EML4: variants seen among roughly 807,000 people sequenced by gnomAD.
The protein encoded by EML4 is EMAP like 4.
Under a neutral mutation model 129.0 loss-of-function variants are expected in EML4, and 72 were observed. The observed-to-expected ratio is 0.56, with a 90% CI of 0.46 to 0.68. EML4 has a LOEUF of 0.68. EML4 is among the 30% of genes least tolerant of loss of function. The pLI, the probability that EML4 is intolerant of heterozygous loss-of-function variation, is 0.00. For synonymous variants in EML4, 532 were observed against 405.0 expected, an observed-to-expected ratio of 1.31 and a Z score of -3.77; for missense variants, 1,363 against 1,190.6, an observed-to-expected ratio of 1.14 and a Z score of -2.13.
intron 1 of EML4, among the ~76,000 whole-genome samples, chr2:42,186,036 A>G (rs1027880954): frequency 2.0e-5 from 3 of 152,196 alleles, no homozygotes; most frequent in African/African-American, 7.2e-5. Context: ...AATACCAATT[A>G]AAAAGGCCCC....
Position 42,325,569 on chromosome 2 carries a change from TTTTA to T in EML4, c.2242+17_2242+20del. On this transcript the variant is annotated intron_variant, in intron 20 of 22. Transcript: ENST00000318522. ...AATATTGTACTGTAAGTATGAATGA[TTTTA>T]TATATATATATATATGCTATGATTA... is the stretch of plus-strand genomic sequence containing the variant. 1 of 591,882 alleles carries T rather than the reference TTTTA, an allele frequency of 1.7e-6. No homozygotes were observed. The highest frequency in any genetic ancestry group is 2.8e-6 in the Non-Finnish European group (1 of 359,858). 36.7% of individuals were successfully genotyped at this position (591,882 alleles called of 1,614,324 possible). A position where few individuals can be genotyped will look rare whatever the true frequency, so the allele number is the denominator to read the frequency against.
At chr2:42,192,271 C>T (rs1388807663) in intron 1 of EML4, among the ~76,000 whole-genome samples, 1 of 143,496 alleles carries the variant, frequency 7.0e-6, no homozygotes, top group African/African-American at 2.6e-5. Context: ...TCTTGCTCCT[C>T]TGTTGCCCGT....
chr2:42,244,653 G>T (rs1201592316), intron 1 of EML4, among the ~76,000 whole-genome samples: 1 of 152,116 alleles, frequency 6.6e-6, no homozygotes, highest in Non-Finnish European at 1.5e-5. Context: ...TAATTACATA[G>T]CAATACCGAG....
At chr2:42,290,130 G>A (rs1167714727) in intron 11 of EML4, among the ~76,000 whole-genome samples, 1 of 151,744 alleles carries the variant, frequency 6.6e-6, no homozygotes, top group South Asian at 2.1e-4. Context: ...AACAGAGGAT[G>A]TATTGACTCC....
At chr2:42,218,900 G>A (rs1312773477) in intron 1 of EML4, among the ~76,000 whole-genome samples, 1 of 152,248 alleles carries the variant, frequency 6.6e-6, no homozygotes, top group South Asian at 2.1e-4. Context: ...CTGGGCTCAA[G>A]CAATCTTCCC....
chr2:42,226,359 A>G lies in EML4; in HGVS notation c.26-19146A>G, dbSNP rs1388205144. Among the ~76,000 whole-genome samples, 3 of 152,066 alleles carry G rather than the reference A, an allele frequency of 2.0e-5. 1 individual carries two copies. The highest frequency in any genetic ancestry group is 4.4e-5 in the Non-Finnish European group (3 of 67,998). On this transcript the variant is annotated intron_variant, in intron 1 of 22. Coordinates refer to ENST00000318522, the MANE Select transcript of EML4 (RefSeq NM_019063.5). ...ATTGTAAATCATAGTTTTTACAGTT[A>G]ATAAAAAAATAAATTATGGGCCGGG... is the stretch of plus-strand genomic sequence containing the variant.
At chr2:42,237,842 G>T (rs1674771684) in intron 1 of EML4, among the ~76,000 whole-genome samples, 1 of 152,168 alleles carries the variant, frequency 6.6e-6, no homozygotes, top group African/African-American at 2.4e-5. Context: ...AACATGAGTT[G>T]AGTAGGTTGA....
intron 3 of EML4, among the ~76,000 whole-genome samples, chr2:42,258,778 G>A (rs1404482852): frequency 6.6e-6 from 1 of 152,174 alleles, no homozygotes; most frequent in African/African-American, 2.4e-5. Flanking sequence ...GAAGTCAGAA[G>A]TTATCAGAAG....
At chr2:42,259,541 CT>C in intron 3 of EML4, among the ~76,000 whole-genome samples, 1 of 152,046 alleles carries the variant, frequency 6.6e-6, no homozygotes, top group Non-Finnish European at 1.5e-5. Flanking sequence ...CAAACCTACC[CT>C]CTAAGTATAT....
At chr2:42,253,649 T>C (rs1401680997) in intron 2 of EML4, among the ~76,000 whole-genome samples, 2 of 152,208 alleles carry the variant, frequency 1.3e-5, no homozygotes, top group African/African-American at 4.8e-5. Context: ...TTAAGTACTT[T>C]TTGTGTGCTA....
intron 1 of EML4, among the ~76,000 whole-genome samples, chr2:42,200,304 G>A (rs550192145): frequency 6.4e-4 from 97 of 152,174 alleles, no homozygotes; most frequent in Middle Eastern, 6.8e-3. Context: ...CAGCCTGGGC[G>A]ACAGAACAAG....
chr2:42,281,411 AAGG>A (rs1024843578), intron 7 of EML4, among the ~76,000 whole-genome samples: 2 of 151,958 alleles, frequency 1.3e-5, no homozygotes, highest in Admixed American at 1.3e-4. Flanking sequence ...AAAAAAAAAA[AAGG>A]AGACATTATC....
intron 1 of EML4, among the ~76,000 whole-genome samples, chr2:42,173,190 A>C (rs1332920925): frequency 6.6e-6 from 1 of 152,226 alleles, no homozygotes; most frequent in Non-Finnish European, 1.5e-5. Context: ...ATTTCTCATC[A>C]CAGATAATAG....
At chr2:42,213,602 A>T (rs1432511984) in intron 1 of EML4, among the ~76,000 whole-genome samples, 1 of 152,198 alleles carries the variant, frequency 6.6e-6, no homozygotes, top group Non-Finnish European at 1.5e-5. Flanking sequence ...CAGATTGCAG[A>T]TGTGTGCCTC....
Position 42,332,428 on chromosome 2 carries a change from GA to G in EML4, c.*2225del. ...GATGTTTTTAGAAAAACTTGTGAAT[GA>G]AAATGAATCCAAGTGTTTCATGTGA... On this transcript the variant is annotated 3_prime_UTR_variant, in exon 23 of 23. Coordinates refer to ENST00000318522, the MANE Select transcript of EML4 (RefSeq NM_019063.5). The G allele has an allele frequency of 9.8e-6, 2 of 203,472 alleles. No individual in the cohort carries two copies. The highest frequency in any genetic ancestry group is 1.0e-5 in the Non-Finnish European group (1 of 98,880). 12.6% of individuals were successfully genotyped at this position (203,472 alleles called of 1,614,324 possible).
intron 1 of EML4, among the ~76,000 whole-genome samples, chr2:42,171,979 G>A (rs986371989): frequency 6.6e-6 from 1 of 151,994 alleles, no homozygotes; most frequent in African/African-American, 2.4e-5. Context: ...AGAGCTTAGA[G>A]TTACATTGAT....
intron 2 of EML4, among the ~76,000 whole-genome samples, chr2:42,249,490 A>G (rs553983988): frequency 5.3e-5 from 8 of 152,304 alleles, no homozygotes; most frequent in South Asian, 2.1e-4. Flanking sequence ...CAACTTCCCT[A>G]TTACTGAAGA....
At chr2:42,258,269 A>T (rs974881940) in intron 3 of EML4, among the ~76,000 whole-genome samples, 3 of 152,174 alleles carry the variant, frequency 2.0e-5, no homozygotes, top group African/African-American at 7.2e-5. Flanking sequence ...CGCAAGGAAG[A>T]AGTAACTTCT....
intron 1 of EML4, among the ~76,000 whole-genome samples, chr2:42,218,632 A>G (rs1019141462): frequency 6.6e-6 from 1 of 152,210 alleles, no homozygotes; most frequent in East Asian, 1.9e-4. Context: ...AGGAGAATTA[A>G]ATTTGCCCTA....
Sources: allele counts gnomAD v4.1 joint callset (sites outside exome capture counted in the v4.1 genomes callset), GRCh38; gene constraint gnomAD v4.1.1; transcripts MANE v1.5; gene names NCBI Gene and HGNC (gene_info 2026-07-23, HGNC 2026-07-21).